The following TEKTL1 variants were observed in gnomAD, a reference collection of about 807,000 sequenced individuals.
TEKTL1 encodes tektin like 1.
chr19:15,021,600 G>C, the TEKTL1 span: 2 of 1,613,516 alleles, frequency 1.2e-6, no homozygotes, highest in Non-Finnish European at 1.7e-6. Flanking sequence ...ATCCCCCTGC[G>C]CTTCCCTGCC....
At chr19:15,011,068 C>A in the TEKTL1 span, 1 of 1,575,470 alleles carries the variant, frequency 6.3e-7, no homozygotes, top group Admixed American at 1.8e-5. Flanking sequence ...TCAAAGGCGG[C>A]GGCACCTTGG....
chr19:15,019,882 G>A, the TEKTL1 span, among the ~76,000 whole-genome samples: 10 of 151,488 alleles, frequency 6.6e-5, no homozygotes, highest in South Asian at 2.1e-4. Flanking sequence ...CAAGAGGATC[G>A]CTTGAGCCCA....
At chr19:15,011,506 G>A in the TEKTL1 span, 29 of 957,700 alleles carry the variant, frequency 3.0e-5, no homozygotes, top group Admixed American at 3.3e-4. Context: ...GGCCAAGGCT[G>A]GTTGATCACC....
the TEKTL1 span, among the ~76,000 whole-genome samples, chr19:15,019,236 A>C: frequency 6.6e-6 from 1 of 152,208 alleles, no homozygotes. Context: ...GGCATGAGCC[A>C]CCACACCCAG....
At chr19:15,011,330 C>A in the TEKTL1 span, 6 of 1,502,812 alleles carry the variant, frequency 4.0e-6, no homozygotes, top group Admixed American at 4.9e-5. Context: ...CAGCGAAGTG[C>A]GCAAGGGTCT....
the TEKTL1 span, among the ~76,000 whole-genome samples, chr19:15,019,735 C>G: frequency 6.6e-6 from 1 of 151,982 alleles, no homozygotes; most frequent in South Asian, 2.1e-4. Flanking sequence ...TGCCTGCAAT[C>G]CTAAAACTTT....
the TEKTL1 span, among the ~76,000 whole-genome samples, chr19:15,017,915 C>T: frequency 6.6e-6 from 1 of 152,046 alleles, no homozygotes; most frequent in Non-Finnish European, 1.5e-5. Context: ...TGGAAAGGGG[C>T]CGGGTGTGGT....
the TEKTL1 span, among the ~76,000 whole-genome samples, chr19:15,018,091 A>T: frequency 6.6e-6 from 1 of 152,300 alleles, no homozygotes; most frequent in East Asian, 1.9e-4. Flanking sequence ...TCTCAGAACC[A>T]ATCCATATCC....
At chr19:15,020,353 A>T in the TEKTL1 span, 1 of 933,124 alleles carries the variant, frequency 1.1e-6, no homozygotes, top group Non-Finnish European at 1.6e-6. Context: ...TAGAGGTAGA[A>T]ATGCTTTACA....
chr19:15,010,784 C>T, the TEKTL1 span: 4 of 1,482,064 alleles, frequency 2.7e-6, no homozygotes, highest in Non-Finnish European at 3.6e-6. Flanking sequence ...CCTTCCGCTC[C>T]GCCTAGGGTT....
At chr19:15,021,046 A>AT in the TEKTL1 span, among the ~76,000 whole-genome samples, 4 of 151,754 alleles carry the variant, frequency 2.6e-5, no homozygotes, top group Admixed American at 6.6e-5. Flanking sequence ...CGCCCGGCTA[A>AT]TTTTTGTATT....
At chr19:15,013,068 G>A in the TEKTL1 span, among the ~76,000 whole-genome samples, 1 of 151,880 alleles carries the variant, frequency 6.6e-6, no homozygotes, top group Non-Finnish European at 1.5e-5. Flanking sequence ...CACACCCAAA[G>A]GTTAAGCTCC....
At chr19:15,022,266 A>C in the TEKTL1 span, among the ~76,000 whole-genome samples, 18 of 152,278 alleles carry the variant, frequency 1.2e-4, no homozygotes, top group East Asian at 5.8e-4. Context: ...CATGCATGAA[A>C]GGTGTGTAGC....
At chr19:15,015,235 A>G in the TEKTL1 span, among the ~76,000 whole-genome samples, 1 of 152,192 alleles carries the variant, frequency 6.6e-6, no homozygotes, top group South Asian at 2.1e-4. Context: ...AGATAGAAAC[A>G]GAGACAGGCT....
the TEKTL1 span, among the ~76,000 whole-genome samples, chr19:15,020,307 C>A: frequency 8.6e-4 from 120 of 139,022 alleles, no homozygotes; most frequent in East Asian, 1.0e-3. Context: ...GATTTTGTCT[C>A]AAAAAAAAAA....
the TEKTL1 span, among the ~76,000 whole-genome samples, chr19:15,013,426 T>C: frequency 6.6e-6 from 1 of 151,842 alleles, no homozygotes; most frequent in Non-Finnish European, 1.5e-5. Context: ...TGGGCTCCTA[T>C]CTGTAAAAGA....
chr19:15,023,190 C>T, the TEKTL1 span: 3 of 1,372,766 alleles, frequency 2.2e-6, no homozygotes, highest in Non-Finnish European at 2.9e-6. Context: ...AGACACAGCC[C>T]CATGGCCCTC....
chr19:15,011,025 A>G, the TEKTL1 span: 2 of 1,582,158 alleles, frequency 1.3e-6, no homozygotes, highest in Non-Finnish European at 1.7e-6. Context: ...CGCGCCGCCT[A>G]CATCCAGCCC....
At chr19:15,017,456 T>C in the TEKTL1 span, among the ~76,000 whole-genome samples, 1 of 152,164 alleles carries the variant, frequency 6.6e-6, no homozygotes, top group Admixed American at 6.5e-5. Context: ...TTCATTTTAT[T>C]GTGGAGGAAG....
Sources: allele counts gnomAD v4.1 joint callset (sites outside exome capture counted in the v4.1 genomes callset), GRCh38; gene constraint gnomAD v4.1.1; transcripts MANE v1.5; gene names NCBI Gene and HGNC (gene_info 2026-07-23, HGNC 2026-07-21).